Variants in PLEKHA4 observed in about 807,000 individuals in gnomAD.
PLEKHA4 encodes pleckstrin homology domain containing A4.
Under a neutral mutation model 94.7 loss-of-function variants are expected in PLEKHA4, and 73 were observed. The observed-to-expected ratio is 0.77, with a 90% CI of 0.64 to 0.94. PLEKHA4 has a LOEUF of 0.94. Among genes scored for constraint, PLEKHA4 ranks in the 40% least tolerant of loss-of-function variants. The pLI is 0.00. For synonymous variants in PLEKHA4, 449 were observed against 437.1 expected, an observed-to-expected ratio of 1.03 and a Z score of -0.34; for missense variants, 1,049 against 1,054.1, an observed-to-expected ratio of 1.00 and a Z score of 0.07.
intron 11 of PLEKHA4, 62 bp from the exon 12 acceptor site, chr19:48,853,893 A>G: frequency 1.3e-6 from 2 of 1,589,642 alleles, no homozygotes; most frequent in South Asian, 2.3e-5. Context: ...GAAGAAAGAA[A>G]AGATGTCCTT....
At chr19:48,848,143 T>C (rs1225535523) in intron 13 of PLEKHA4, 103 bp from the exon 14 acceptor site, 2 of 1,268,922 alleles carry the variant, frequency 1.6e-6, no homozygotes, top group Non-Finnish European at 2.2e-6. Flanking sequence ...GCTATATTTA[T>C]GGAGTTGGGA....
chr19:48,861,463 G>C lies in PLEKHA4; in HGVS notation c.304C>G (p.Pro102Ala). The change falls in exon 5 of 20, where the codon CCC becomes GCC. Residue 102 changes from proline (P) to alanine (A), a missense_variant. Transcript: ENST00000263265. Reference protein sequence around the residue: ...EESVLGSVLLPSYNIRPDGPG... With the variant: ...EESVLGSVLLASYNIRPDGPG... ...CCATCTGGTCTAATATTGTAGCTGG[G>C]GAGCAGGACGCTGCCTAGGACACTC... 6.2e-7 allele frequency: 1 copy of C among 1,614,150 alleles called. No homozygotes were observed. Among genetic ancestry groups the C allele is most frequent in the Non-Finnish European group, 8.5e-7 (1 of 1,180,040 alleles).
chr19:48,837,970 C>G lies in PLEKHA4; in HGVS notation c.2077+47G>C, dbSNP rs2035602287. The G allele has an allele frequency of 6.7e-7, 1 of 1,487,366 alleles. No individual in the cohort carries two copies. The highest frequency in any genetic ancestry group is 9.3e-7 in the Non-Finnish European group (1 of 1,070,690). 92.1% of individuals were successfully genotyped at this position (1,487,366 alleles called of 1,614,324 possible). ...AGGACCTGGGATTCCAGGTCTCCAG[C>G]TCTCTCCTCCCTAAAACCCAGAAGT... is the stretch of plus-strand genomic sequence containing the variant. On this transcript the variant is annotated intron_variant, in intron 19 of 19. Coordinates refer to ENST00000263265, the MANE Select transcript of PLEKHA4 (RefSeq NM_020904.3). This position sits in a 1 kb window ranked among gnomAD's most constrained non-coding sequence, Gnocchi z 4.3.
chr19:48,846,138 C>A (rs2035961533), intron 14 of PLEKHA4, among the ~76,000 whole-genome samples: 1 of 151,116 alleles, frequency 6.6e-6, no homozygotes, highest in South Asian at 2.1e-4. Flanking sequence ...AGCTGGGCAA[C>A]ATAGCAAGAC....
intron 9 of PLEKHA4, among the ~76,000 whole-genome samples, chr19:48,855,147 C>T (rs184377011): frequency 3.3e-5 from 5 of 152,182 alleles, no homozygotes; most frequent in Admixed American, 2.0e-4. Context: ...GAAATTTAGA[C>T]ATTTTATTTA....
At position 48,865,388 on chromosome 19, in the gene PLEKHA4, G is replaced by T. The variant is rs566992891; in HGVS notation, c.192+115C>A. The T allele has an allele frequency of 4.5e-6, 3 of 664,818 alleles. No individual in the cohort carries two copies. The Admixed American group carries it at 8.4e-5, about 19-fold the overall frequency. The allele number at this position is 664,818 out of a possible 1,614,324, so 41.2% of individuals were successfully genotyped here. ...ACAAACAAACAATGACGGACTAAGG[G>T]GAGGGGCAGTGATAGCAAGAAAAAG... On this transcript the variant is annotated intron_variant, in intron 3 of 19. Transcript: ENST00000263265.
intron 9 of PLEKHA4, among the ~76,000 whole-genome samples, chr19:48,855,618 A>ATAAG (rs2036374314): frequency 6.8e-6 from 1 of 147,034 alleles, no homozygotes; most frequent in Non-Finnish European, 1.5e-5. Context: ...AAATAAATAA[A>ATAAG]TAAATAAATA....
chr19:48,838,582 G>A (rs1179142653), intron 18 of PLEKHA4, among the ~76,000 whole-genome samples: 1 of 151,222 alleles, frequency 6.6e-6, no homozygotes, highest in Admixed American at 6.6e-5. Context: ...TGGCCAACAT[G>A]GTGAAACCCA....
rs983096914 is a variant in PLEKHA4, at chr19:48,867,566, T to C, written c.55A>G (p.Ile19Val). The C allele has an allele frequency of 8.7e-6, 14 of 1,602,312 alleles. No individual in the cohort carries two copies. Among genetic ancestry groups the C allele is most frequent in the East Asian group, 4.5e-5 (2 of 44,532 alleles). Residue 19 changes from isoleucine to valine, a missense_variant, in exon 2 of 20, where the codon ATC (isoleucine) becomes GTC (valine). By Grantham distance (29) the Ile-to-Val change is conservative (BLOSUM62 3). Coordinates refer to ENST00000263265, the MANE Select transcript of PLEKHA4 (RefSeq NM_020904.3). The surrounding 1 kb of genome is among the most constrained non-coding windows in gnomAD (Gnocchi z 4.7). ...GGGCTCAGGCTGCTGAGCGAGGAGA[T>C]GGTGGAGGCGCTGCTGGCCAGGCTC... Reference protein sequence around the residue: ...SLSLASSASTISSLSSLSPKK... With the variant: ...SLSLASSASTVSSLSSLSPKK...
intron 3 of PLEKHA4, among the ~76,000 whole-genome samples, chr19:48,863,432 G>GTTTTTTTTTT (rs113645066): frequency 9.5e-6 from 1 of 104,722 alleles, no homozygotes; most frequent in Non-Finnish European, 2.1e-5. Context: ...TAGGTTTTTT[G>GTTTTTTTTTT]TTTTTTTTTT....
Position 48,837,603 on chromosome 19 carries a change from C to G in PLEKHA4, c.2078-52G>C, listed in dbSNP as rs1260924467. ...ATGGCAAACCTCAGCGCTAGGACCC[C>G]GGATTCCCAGCCCCTCCTCCCTCAG... On this transcript the variant is annotated intron_variant, in intron 19 of 19. Coordinates refer to ENST00000263265, the MANE Select transcript of PLEKHA4 (RefSeq NM_020904.3). This position sits in a 1 kb window ranked among gnomAD's most constrained non-coding sequence, Gnocchi z 4.3. 1 of 1,597,542 alleles carries G rather than the reference C, an allele frequency of 6.3e-7. No homozygotes were observed.
At chr19:48,840,032 T>C (rs73061614) in intron 17 of PLEKHA4, among the ~76,000 whole-genome samples, 26,803 of 151,264 alleles carry the variant, frequency 0.18, 2,692 homozygotes, top group African/African-American at 0.27. Context: ...CGTTTGAACC[T>C]GGGAGACAGG....
rs1474207626 is a variant in PLEKHA4, at chr19:48,856,245, C to T, written c.1047+1177G>A. 3.0e-5 allele frequency among the ~76,000 whole-genome samples: 4 copies of T among 131,762 alleles called. No individual in the cohort carries two copies. The East Asian group carries it at 6.6e-4, about 22-fold the overall frequency. The allele number at this position is 131,762 out of a possible 152,430, so 86.4% of individuals were successfully genotyped here. On this transcript the variant is annotated intron_variant, in intron 9 of 19. Coordinates refer to ENST00000263265, the MANE Select transcript of PLEKHA4 (RefSeq NM_020904.3). ...AGAAAAAGGAAAGGAAAGGAAAGAA[C>T]GAGGAGGGGAGGGGAAGGGGAAGGG...
intron 7 of PLEKHA4, 144 bp downstream of exon 7, chr19:48,859,325 C>T (rs1346221855): frequency 1.0e-6 from 1 of 969,508 alleles, no homozygotes; most frequent in Non-Finnish European, 1.5e-6. Context: ...CCCCTCCAGT[C>T]TTCTCCCCGA....
At chr19:48,841,354 G>A (rs2035761453) in intron 16 of PLEKHA4, 44 bp from the exon 17 acceptor site, 5 of 1,547,076 alleles carry the variant, frequency 3.2e-6, no homozygotes, top group Non-Finnish European at 4.4e-6. Flanking sequence ...TTTAGGCCAG[G>A]CACAGTGGCT....
In PLEKHA4 at chr19:48,861,425, G is replaced by T; in HGVS notation, c.342C>A (p.Pro114=). 1 of 1,613,900 alleles carries T rather than the reference G, an allele frequency of 6.2e-7. No homozygotes were observed. The highest frequency in any genetic ancestry group is 8.5e-7 in the Non-Finnish European group (1 of 1,180,020). ...YNIRPDGPGA[P]RGRRFTFTAE... Reference sequence around the variant, plus strand: ...CGGTGAAGGTGAAGCGCCGCCCTCGGGGGGCTCCCGGCCCATCTGGTCTAA... The same window carrying T: ...CGGTGAAGGTGAAGCGCCGCCCTCGTGGGGCTCCCGGCCCATCTGGTCTAA... The change falls in exon 5 of 20, where the codon CCC becomes CCA. Residue 114 remains proline, a synonymous_variant. Coordinates refer to ENST00000263265, the MANE Select transcript of PLEKHA4 (RefSeq NM_020904.3).
chr19:48,862,908 G>A (rs2036699223), intron 3 of PLEKHA4, among the ~76,000 whole-genome samples: 1 of 152,214 alleles, frequency 6.6e-6, no homozygotes. Context: ...AAGTTTTAGG[G>A]AGGTTTGGAT....
chr19:48,856,346 G>A (rs2036407604), intron 9 of PLEKHA4, among the ~76,000 whole-genome samples: 1 of 132,006 alleles, frequency 7.6e-6, no homozygotes, highest in African/African-American at 2.5e-5. Context: ...CACTTTGGGA[G>A]GCCGAGGCGG....
chr19:48,837,508 C>T lies in PLEKHA4; in HGVS notation c.2121G>A (p.Pro707=). ...DSQGDPLPGV[P]LPPSDPTRQE... Reference sequence around the variant, plus strand: ...GGCGCGTGGGGTCCGAAGGAGGCAGCGGCACACCGGGAAGAGGGTCTCCCT... The same window carrying T: ...GGCGCGTGGGGTCCGAAGGAGGCAGTGGCACACCGGGAAGAGGGTCTCCCT... Residue 707 remains proline (P), a synonymous_variant, in exon 20 of 20, where the codon CCG becomes CCA. Transcript: ENST00000263265. The surrounding 1 kb of genome is among the most constrained non-coding windows in gnomAD (Gnocchi z 4.3). 2 of 1,612,860 alleles carry T rather than the reference C, an allele frequency of 1.2e-6. No individual in the cohort carries two copies. The highest frequency in any genetic ancestry group is 1.7e-5 in the Admixed American group (1 of 59,594).
Sources: allele counts gnomAD v4.1 joint callset (sites outside exome capture counted in the v4.1 genomes callset), GRCh38; gene constraint gnomAD v4.1.1; non-coding constraint Gnocchi (gnomAD v3.1); transcripts MANE v1.5; gene names NCBI Gene and HGNC (gene_info 2026-07-23, HGNC 2026-07-21).